Variants in ZNF804B observed in about 807,000 individuals in gnomAD.
The protein encoded by ZNF804B is zinc finger protein 804B.
In ZNF804B, 80 loss-of-function variants were observed where a neutral mutation model predicts 101.4. That is an observed-to-expected ratio of 0.79 (90% CI 0.66 to 0.95). ZNF804B has a LOEUF of 0.95. Ranked by LOEUF, ZNF804B falls within the 40% of genes least tolerant of loss-of-function variation. ZNF804B has a pLI of 0.00. For missense variants in ZNF804B, 1,673 were observed against 1,561.9 expected (o/e 1.07, Z -1.20); for synonymous variants, 622 against 558.8 (o/e 1.11, Z -1.59).
At chr7:89,278,437 C>A (rs2115860367) in intron 2 of ZNF804B, among the ~76,000 whole-genome samples, 1 of 150,616 alleles carries the variant, frequency 6.6e-6, no homozygotes, top group East Asian at 1.9e-4. Flanking sequence ...TGCCTATGTC[C>A]TGAATGGTAA....
At chr7:89,022,680 A>T (rs1450493159) in intron 1 of ZNF804B, among the ~76,000 whole-genome samples, 1 of 152,190 alleles carries the variant, frequency 6.6e-6, no homozygotes, top group Non-Finnish European at 1.5e-5. Flanking sequence ...TTGCTTTCCT[A>T]ATTCTTAAAT....
At chr7:88,854,414 C>CCTTTCTTTCTTCCTTCCTTCCTTCCTTT (rs1491507073) in intron 1 of ZNF804B, among the ~76,000 whole-genome samples, 1 of 57,076 alleles carries the variant, frequency 1.8e-5, no homozygotes, top group African/African-American at 6.3e-5. Flanking sequence ...TTTCTTTCTT[C>CCTTTCTTTCTTCCTTCCTTCCTTCCTTT]CTTTCTTTCT....
chr7:89,086,309 A>G (rs935842936), intron 1 of ZNF804B, among the ~76,000 whole-genome samples: 1 of 151,982 alleles, frequency 6.6e-6, no homozygotes, highest in Non-Finnish European at 1.5e-5. Context: ...ATGTAATGTT[A>G]AGTCATCATT....
intron 1 of ZNF804B, among the ~76,000 whole-genome samples, chr7:88,937,848 T>A (rs925190664): frequency 6.6e-6 from 1 of 152,018 alleles, no homozygotes; most frequent in Admixed American, 6.6e-5. Flanking sequence ...GAAAAAACTT[T>A]ACATCTTTGA....
At chr7:88,986,881 G>A (rs1022844963) in intron 1 of ZNF804B, among the ~76,000 whole-genome samples, 4 of 152,036 alleles carry the variant, frequency 2.6e-5, no homozygotes, top group African/African-American at 9.7e-5. Flanking sequence ...TAAACTATTT[G>A]CCAAATAAAG....
intron 1 of ZNF804B, among the ~76,000 whole-genome samples, chr7:89,019,184 T>C (rs1562861809): frequency 6.6e-6 from 1 of 152,070 alleles, no homozygotes; most frequent in African/African-American, 2.4e-5. Flanking sequence ...GCTGTGTTTT[T>C]ATTTTAATTT....
At chr7:89,051,215 A>G (rs1477004501) in intron 1 of ZNF804B, among the ~76,000 whole-genome samples, 5 of 152,204 alleles carry the variant, frequency 3.3e-5, no homozygotes, top group South Asian at 4.1e-4. Flanking sequence ...CAGTTATTTC[A>G]GTAAAAAAAA....
chr7:88,827,027 G>A (rs1226782771), intron 1 of ZNF804B, among the ~76,000 whole-genome samples: 1 of 152,094 alleles, frequency 6.6e-6, no homozygotes, highest in Non-Finnish European at 1.5e-5. Context: ...TTTGAAAATT[G>A]TGTAGATAAA....
At chr7:88,820,774 G>A (rs1312740534) in intron 1 of ZNF804B, among the ~76,000 whole-genome samples, 1 of 152,028 alleles carries the variant, frequency 6.6e-6, no homozygotes, top group Non-Finnish European at 1.5e-5. Flanking sequence ...GAAAGAAAGA[G>A]AATAAGTTGG....
intron 1 of ZNF804B, among the ~76,000 whole-genome samples, chr7:89,134,022 CAG>C (rs938450503): frequency 1.3e-5 from 2 of 151,994 alleles, no homozygotes; most frequent in Non-Finnish European, 2.9e-5. Context: ...CTCCTTTTCA[CAG>C]AGAGGATTGT....
At chr7:89,186,036 T>C (rs1788370829) in intron 1 of ZNF804B, among the ~76,000 whole-genome samples, 1 of 152,050 alleles carries the variant, frequency 6.6e-6, no homozygotes, top group South Asian at 2.1e-4. Context: ...AAACTGACCA[T>C]TTGAAGTTGA....
chr7:89,054,733 G>C (rs1789265294), intron 1 of ZNF804B, among the ~76,000 whole-genome samples: 1 of 151,992 alleles, frequency 6.6e-6, no homozygotes, highest in Non-Finnish European at 1.5e-5. Flanking sequence ...TATTTTTGGA[G>C]TGGAGGAAGA....
At chr7:88,798,176 CAT>C (rs1271478756) in intron 1 of ZNF804B, among the ~76,000 whole-genome samples, 1 of 152,070 alleles carries the variant, frequency 6.6e-6, no homozygotes, top group Non-Finnish European at 1.5e-5. Context: ...CTGATAATCA[CAT>C]GTGTCTTTCT....
At chr7:88,902,674 CTCTT>C (rs1239545411) in intron 1 of ZNF804B, among the ~76,000 whole-genome samples, 4 of 151,914 alleles carry the variant, frequency 2.6e-5, no homozygotes, top group African/African-American at 9.7e-5. Context: ...AATTTCCTAA[CTCTT>C]TCTACTTTAA....
At chr7:89,232,226 G>C (rs1789204157) in intron 2 of ZNF804B, among the ~76,000 whole-genome samples, 1 of 152,080 alleles carries the variant, frequency 6.6e-6, no homozygotes, top group South Asian at 2.1e-4. Flanking sequence ...TGTGGTATAA[G>C]ATATTAATTG....
intron 1 of ZNF804B, among the ~76,000 whole-genome samples, chr7:88,870,463 C>G (rs1031854784): frequency 6.7e-6 from 1 of 149,728 alleles, no homozygotes. Context: ...ATTCCAAGAT[C>G]AGGAAACTGC....
intron 1 of ZNF804B, among the ~76,000 whole-genome samples, chr7:89,127,244 G>A (rs1346677413): frequency 6.6e-6 from 1 of 151,844 alleles, no homozygotes; most frequent in African/African-American, 2.4e-5. Flanking sequence ...TCAGAAATCA[G>A]CTCTTTAAGA....
chr7:88,836,749 T>G (rs1791220355), intron 1 of ZNF804B, among the ~76,000 whole-genome samples: 1 of 151,874 alleles, frequency 6.6e-6, no homozygotes, highest in Non-Finnish European at 1.5e-5. Context: ...TCTTTCCCAG[T>G]ATTCTGTCCT....
rs370511806 is a variant in ZNF804B at position 89,270,376 on chromosome 7, A to G, written c.249+52081A>G. Among the ~76,000 whole-genome samples, 10 of 152,330 alleles carry G rather than the reference A, an allele frequency of 6.6e-5. No individual in the cohort carries two copies. The South Asian group carries it at 1.0e-3, about 16-fold the overall frequency. ...GGTTTGTCAAAGAGCAGATGGTTGT[A>G]GATGGGTGTTATTATTTTTGAGGGC... On this transcript the variant is annotated intron_variant, in intron 2 of 3. Transcript: ENST00000333190.
Sources: gnomAD v4.1 joint callset for allele counts (sites outside exome capture counted in the v4.1 genomes callset) on GRCh38, gnomAD v4.1.1 for gene constraint, MANE v1.5 for transcripts, NCBI Gene and HGNC (gene_info 2026-07-23, HGNC 2026-07-21) for gene names.